DYNC1I2: variants seen among roughly 807,000 people sequenced by gnomAD.
DYNC1I2 encodes the protein dynein cytoplasmic 1 intermediate chain 2, also known as cytoplasmic dynein 1 intermediate chain 2.
A neutral mutation model predicts 88.6 loss-of-function variants in DYNC1I2; 53 were observed. The observed-to-expected ratio is 0.60, with a 90% CI of 0.48 to 0.75. The LOEUF (loss-of-function observed/expected upper bound fraction) is 0.75. DYNC1I2 is among the 30% of genes least tolerant of loss of function. The pLI is 0.00. For missense variants in DYNC1I2, 458 were observed against 766.6 expected (o/e 0.60, Z 4.75); for synonymous variants, 198 against 254.6 (o/e 0.78, Z 2.12).
chr2:171,727,681 A>C, intron 11 of DYNC1I2, 140 bp from the exon 12 acceptor site: 1 of 641,828 alleles, frequency 1.6e-6, no homozygotes, highest in Non-Finnish European at 2.4e-6. Flanking sequence ...GAAAACTTTT[A>C]ATTAATTTAC....
chr2:171,695,251 C>T (rs1685679389), intron 3 of DYNC1I2, among the ~76,000 whole-genome samples: 2 of 152,072 alleles, frequency 1.3e-5, no homozygotes, highest in African/African-American at 4.8e-5. Flanking sequence ...AGGCACGTGC[C>T]ACCACACCTG....
At chr2:171,727,168 T>C (rs994206258) in intron 11 of DYNC1I2, among the ~76,000 whole-genome samples, 6 of 152,146 alleles carry the variant, frequency 3.9e-5, no homozygotes, top group Non-Finnish European at 8.8e-5. Flanking sequence ...CAGTTGTGAT[T>C]TTCTGTTATG....
At chr2:171,718,106 G>A (rs572195475) in intron 7 of DYNC1I2, among the ~76,000 whole-genome samples, 93 of 151,818 alleles carry the variant, frequency 6.1e-4, no homozygotes, top group East Asian at 3.9e-4. Context: ...ACAGGCGTGC[G>A]CCACCACTGC....
chr2:171,707,454 C>G, intron 5 of DYNC1I2, 77 bp downstream of exon 5: 9 of 1,286,506 alleles, frequency 7.0e-6, no homozygotes, highest in Middle Eastern at 1.9e-4. Flanking sequence ...TTTAAAGGGA[C>G]TCTAAATAGT....
At chr2:171,688,372 G>A (rs1559356578) in intron 1 of DYNC1I2, 1 of 152,192 alleles carries the variant, frequency 6.6e-6, no homozygotes, top group Non-Finnish European at 1.5e-5. Context: ...AGGATGAGAG[G>A]ATTGGTCAGC....
At chr2:171,700,267 C>T (rs536545020) in intron 3 of DYNC1I2, among the ~76,000 whole-genome samples, 3 of 152,126 alleles carry the variant, frequency 2.0e-5, no homozygotes, top group Non-Finnish European at 4.4e-5. Flanking sequence ...CTGGGTTCTC[C>T]CAGAGTGAGC....
In DYNC1I2 at chr2:171,690,122, A is replaced by G. The variant is rs1385975767; in HGVS notation, c.-9-25A>G. ...TTTTTTCAACTGTGCTGCTTTTACT[A>G]ACATAATGATTATATGTTTCTAAGG... On this transcript the variant is annotated intron_variant, in intron 1 of 17. Transcript: ENST00000397119. 9.1e-6 allele frequency: 13 copies of G among 1,430,002 alleles called. No homozygotes were observed. The East Asian group carries it at 3.0e-4, about 33-fold the overall frequency. The allele number at this position is 1,430,002 out of a possible 1,614,324, so 88.6% of individuals were successfully genotyped here.
chr2:171,702,402 A>G (rs80062283), intron 3 of DYNC1I2, among the ~76,000 whole-genome samples: 2 of 152,334 alleles, frequency 1.3e-5, no homozygotes, highest in South Asian at 2.1e-4. Flanking sequence ...ACATATGCCT[A>G]CAAGTCCAGT....
At chr2:171,705,775 T>C (rs1686635507) in intron 3 of DYNC1I2, among the ~76,000 whole-genome samples, 1 of 152,102 alleles carries the variant, frequency 6.6e-6, no homozygotes, top group Admixed American at 6.5e-5. Context: ...GCCACCTACA[T>C]GTAAACTATA....
intron 3 of DYNC1I2, among the ~76,000 whole-genome samples, chr2:171,694,860 C>T (rs1314642507): frequency 6.6e-6 from 1 of 152,088 alleles, no homozygotes; most frequent in Non-Finnish European, 1.5e-5. Flanking sequence ...GAGGGATCCG[C>T]CTCCATGACC....
chr2:171,733,056 A>C (rs987174956), intron 15 of DYNC1I2, among the ~76,000 whole-genome samples: 1 of 152,026 alleles, frequency 6.6e-6, no homozygotes, highest in South Asian at 2.1e-4. Flanking sequence ...ATGTATGTTC[A>C]TTGTTTAGCT....
At chr2:171,738,256 C>T (rs765673915) in intron 15 of DYNC1I2, among the ~76,000 whole-genome samples, 1 of 151,728 alleles carries the variant, frequency 6.6e-6, no homozygotes, top group African/African-American at 2.4e-5. Flanking sequence ...TGCCAGAACC[C>T]GAGAGGTGGA....
At chr2:171,707,502 GGC>G in intron 5 of DYNC1I2, 125 bp downstream of exon 5, 4 of 784,292 alleles carry the variant, frequency 5.1e-6, no homozygotes, top group Non-Finnish European at 7.3e-6. Flanking sequence ...AATCTAAAAT[GGC>G]ATAGAAATTC....
chr2:171,707,791 A>G (rs887019316), intron 5 of DYNC1I2, among the ~76,000 whole-genome samples: 2 of 152,164 alleles, frequency 1.3e-5, no homozygotes, highest in African/African-American at 4.8e-5. Flanking sequence ...AAACAGTTCA[A>G]TTCTGTTCTA....
rs1345316773 is a variant in DYNC1I2 at position 171,729,769 on chromosome 2, T to C, written c.1452T>C (p.Cys484=). Reference sequence around the variant, plus strand: ...AAGGACCAATCACTGGCATCCATTGTCATGCAGCTGTTGGAGCAGTAGACT... The same window carrying C: ...AAGGACCAATCACTGGCATCCATTGCCATGCAGCTGTTGGAGCAGTAGACT... ...GHQGPITGIH[C]HAAVGAVDFS... Residue 484 remains cysteine, a synonymous_variant, in exon 15 of 18, where the codon TGT becomes TGC. Transcript: ENST00000397119. 8 of 1,613,604 alleles carry C rather than the reference T, an allele frequency of 5.0e-6. No individual in the cohort carries two copies. The highest frequency in any genetic ancestry group is 6.8e-6 in the Non-Finnish European group (8 of 1,179,774).
chr2:171,738,048 T>A (rs1352502310), intron 15 of DYNC1I2, among the ~76,000 whole-genome samples: 1 of 152,088 alleles, frequency 6.6e-6, no homozygotes, highest in Non-Finnish European at 1.5e-5. Flanking sequence ...TAGAAAATAC[T>A]CAGCCAGGCG....
intron 3 of DYNC1I2, among the ~76,000 whole-genome samples, chr2:171,695,350 C>CACCCT (rs1685689843): frequency 6.6e-6 from 1 of 152,116 alleles, no homozygotes; most frequent in African/African-American, 2.4e-5. Context: ...CCGCCTTCTT[C>CACCCT]GGCCTCCCAA....
chr2:171,743,537 C>T (rs531597346), intron 15 of DYNC1I2, among the ~76,000 whole-genome samples: 3 of 152,328 alleles, frequency 2.0e-5, no homozygotes, highest in East Asian at 1.9e-4. Context: ...CAGAAGTTCT[C>T]GTGCCTTCCT....
At chr2:171,707,525 A>G (rs1172232040) in intron 5 of DYNC1I2, 148 bp downstream of exon 5, 5 of 592,382 alleles carry the variant, frequency 8.4e-6, no homozygotes, top group Non-Finnish European at 1.3e-5. Flanking sequence ...TCTGTTGGAC[A>G]CTGGGAGAAA....
Sources: gnomAD v4.1 joint callset for allele counts (sites outside exome capture counted in the v4.1 genomes callset) on GRCh38, gnomAD v4.1.1 for gene constraint, MANE v1.5 for transcripts, NCBI Gene and HGNC (gene_info 2026-07-23, HGNC 2026-07-21) for gene names.